The following MYEF2 variants were observed in gnomAD, a reference collection of about 807,000 sequenced individuals.
The protein encoded by MYEF2 is myelin gene expression factor 2.
A neutral mutation model predicts 75.2 loss-of-function variants in MYEF2; 37 were observed. The observed-to-expected ratio is 0.49, with a 90% CI of 0.38 to 0.65. The LOEUF is 0.65. MYEF2 is among the 30% of genes least tolerant of loss of function. The probability of loss-of-function intolerance (pLI) is 0.00; values close to 1 mark genes in which losing one functional copy is unlikely to be tolerated. For synonymous variants in MYEF2, 195 were observed against 241.6 expected, an observed-to-expected ratio of 0.81 and a Z score of 1.79; for missense variants, 634 against 771.4, an observed-to-expected ratio of 0.82 and a Z score of 2.11.
intron 1 of MYEF2, among the ~76,000 whole-genome samples, chr15:48,173,667 T>C (rs530100153): frequency 1.3e-5 from 2 of 151,830 alleles, no homozygotes; most frequent in Non-Finnish European, 2.9e-5. Context: ...GAATACAAAG[T>C]CAACATTCAA....
chr15:48,166,864 C>T (rs935272408), intron 3 of MYEF2, among the ~76,000 whole-genome samples: 28 of 152,016 alleles, frequency 1.8e-4, no homozygotes, highest in African/African-American at 6.8e-4. Context: ...ATTCCTTCTA[C>T]GTCAATATAA....
chr15:48,138,654 A>G lies in MYEF2; in HGVS notation c.*4254T>C. ...TCCCTTAAGCAAAAAGTTACTGAAG[A>G]CAATCCACAGGAGATGTCCAATTGA... On this transcript the variant is annotated 3_prime_UTR_variant, in exon 17 of 17. Coordinates refer to ENST00000324324, the MANE Select transcript of MYEF2 (RefSeq NM_016132.5). 1 of 217,248 alleles carries G rather than the reference A, an allele frequency of 4.6e-6. No individual in the cohort carries two copies. Among genetic ancestry groups the G allele is most frequent in the Non-Finnish European group, 9.3e-6 (1 of 107,900 alleles). 13.5% of individuals were successfully genotyped at this position (217,248 alleles called of 1,614,324 possible). A position where few individuals can be genotyped will look rare whatever the true frequency, so the allele number is the denominator to read the frequency against.
In MYEF2 at chr15:48,140,296, A is replaced by ACCAATT. The variant is rs1290473789; in HGVS notation, c.*2606_*2611dup. 6.6e-6 allele frequency: 1 copy of ACCAATT among 152,094 alleles called. No individual in the cohort carries two copies. Among genetic ancestry groups the ACCAATT allele is most frequent in the South Asian group, 2.1e-4 (1 of 4,826 alleles). The allele number at this position is 152,094 out of a possible 1,614,324, so 9.4% of individuals were successfully genotyped here. On this transcript the variant is annotated 3_prime_UTR_variant, in exon 17 of 17. Coordinates refer to ENST00000324324, the MANE Select transcript of MYEF2 (RefSeq NM_016132.5). ...GCAAAGCCAGTAACAGAAATTAACA[A>ACCAATT]CCAATTCCAATTCCAATATCAATGT...
Position 48,149,007 on chromosome 15 carries a change from T to C in MYEF2, c.1639+25A>G, listed in dbSNP as rs1294981822. 1.2e-6 allele frequency: 2 copies of C among 1,610,984 alleles called. No individual in the cohort carries two copies. Among genetic ancestry groups the C allele is most frequent in the Admixed American group, 1.7e-5 (1 of 59,946 alleles). On this transcript the variant is annotated intron_variant, in intron 16 of 16. Coordinates refer to ENST00000324324, the MANE Select transcript of MYEF2 (RefSeq NM_016132.5). The surrounding 1 kb of genome is among the most constrained non-coding windows in gnomAD (Gnocchi z 4.0). ...TTTTCCTCCATAATCAATATCAACA[T>C]ATCTGCAGTCATTTGCATACTTACC...
chr15:48,174,557 A>T (rs1387928448), intron 1 of MYEF2, among the ~76,000 whole-genome samples: 1 of 152,150 alleles, frequency 6.6e-6, no homozygotes, highest in East Asian at 1.9e-4. Context: ...TATATCCAAT[A>T]AGGGATTAAT....
chr15:48,149,355 G>A lies in MYEF2; in HGVS notation c.1395C>T (p.Ser465=), dbSNP rs201529546. The A allele has an allele frequency of 2.7e-5, 44 of 1,612,594 alleles. No individual in the cohort carries two copies. Among genetic ancestry groups the A allele is most frequent in the Non-Finnish European group, 3.6e-5 (43 of 1,179,072 alleles). Residue 465 remains serine (S), a synonymous_variant, in exon 15 of 17, where the codon AGC becomes AGT. Transcript: ENST00000324324. This position sits in a 1 kb window ranked among gnomAD's most constrained non-coding sequence, Gnocchi z 4.0. The part of the protein sequence containing the change: ...VGSGISGGMG[S]MNSVTGGMGM... Reference sequence around the variant, plus strand: ...CCATTCCTCCAGTCACACTGTTCATGCTACCCATTCCACCACCTGGATTTT... The same window carrying A: ...CCATTCCTCCAGTCACACTGTTCATACTACCCATTCCACCACCTGGATTTT...
At position 48,139,246 on chromosome 15, in the gene MYEF2, A is replaced by G; in HGVS notation, c.*3662T>C. 7.6e-7 allele frequency: 1 copy of G among 1,310,768 alleles called. No individual in the cohort carries two copies. The highest frequency in any genetic ancestry group is 1.3e-5 in the South Asian group (1 of 78,940). 81.2% of individuals were successfully genotyped at this position (1,310,768 alleles called of 1,614,324 possible). On this transcript the variant is annotated 3_prime_UTR_variant, in exon 17 of 17. Coordinates refer to ENST00000324324, the MANE Select transcript of MYEF2 (RefSeq NM_016132.5). ...AGAACAAATTGCATATGTTCACTCA[A>G]AGTAGTCTAGCTACACAGCAAATTT...
rs1290473789 is a variant in MYEF2, at chr15:48,140,296, ACCAATT to A, written c.*2606_*2611del. 6.6e-6 allele frequency: 1 copy of A among 152,212 alleles called. No individual in the cohort carries two copies. The highest frequency in any genetic ancestry group is 1.9e-4 in the East Asian group (1 of 5,188). 9.4% of individuals were successfully genotyped at this position (152,212 alleles called of 1,614,324 possible). A position where few individuals can be genotyped will look rare whatever the true frequency, so the allele number is the denominator to read the frequency against. ...GCAAAGCCAGTAACAGAAATTAACA[ACCAATT>A]CCAATTCCAATATCAATGTATAAGC... On this transcript the variant is annotated 3_prime_UTR_variant, in exon 17 of 17. Coordinates refer to ENST00000324324, the MANE Select transcript of MYEF2 (RefSeq NM_016132.5).
At chr15:48,153,556 A>G in intron 10 of MYEF2, 1 of 409,830 alleles carries the variant, frequency 2.4e-6, no homozygotes. Context: ...AAAATCCAAA[A>G]TGCTAAAAGG....
rs181148022 is a variant in MYEF2, at chr15:48,157,816, C to A, written c.985+177G>T. 9 of 1,336,256 alleles carry A rather than the reference C, an allele frequency of 6.7e-6. No individual in the cohort carries two copies. In the African/African-American group the frequency reaches 7.4e-5, roughly 11 times the overall value. 82.8% of individuals were successfully genotyped at this position (1,336,256 alleles called of 1,614,324 possible). A position where few individuals can be genotyped will look rare whatever the true frequency, so the allele number is the denominator to read the frequency against. On this transcript the variant is annotated intron_variant, in intron 9 of 16. Transcript: ENST00000324324. Reference sequence around the variant, plus strand: ...TACCAAAGAGAAAAAAAAAATGGCACGTAACACTTATCTTCTCAGTCTTCC... The same window carrying A: ...TACCAAAGAGAAAAAAAAAATGGCAAGTAACACTTATCTTCTCAGTCTTCC...
intron 5 of MYEF2, among the ~76,000 whole-genome samples, chr15:48,164,987 C>G (rs922515676): frequency 6.6e-6 from 1 of 152,092 alleles, no homozygotes; most frequent in African/African-American, 2.4e-5. Context: ...CCTACAATAG[C>G]TCCAAGGTAT....
At chr15:48,159,913 G>A in intron 5 of MYEF2, 109 bp from the exon 6 acceptor site, 1 of 1,162,856 alleles carries the variant, frequency 8.6e-7, no homozygotes, top group Non-Finnish European at 1.2e-6. Flanking sequence ...TCAAATTATT[G>A]ACCCTCTTGA....
intron 9 of MYEF2, chr15:48,157,630 C>A: frequency 2.2e-6 from 1 of 458,416 alleles, no homozygotes; most frequent in Non-Finnish European, 2.9e-6. Context: ...ATTTTTGTTC[C>A]CAACTATGTA....
At chr15:48,154,894 T>G (rs1045329671) in intron 9 of MYEF2, among the ~76,000 whole-genome samples, 1 of 152,060 alleles carries the variant, frequency 6.6e-6, no homozygotes, top group Non-Finnish European at 1.5e-5. Flanking sequence ...TGAGCAATGA[T>G]AGTATAATTC....
chr15:48,152,193 T>C, intron 11 of MYEF2, 41 bp downstream of exon 11: 1 of 1,515,832 alleles, frequency 6.6e-7, no homozygotes, highest in Non-Finnish European at 9.1e-7. Flanking sequence ...TTATTAAAAA[T>C]GGTGATGGGT....
In MYEF2 at chr15:48,152,146, A is replaced by C. The variant is rs577288350; in HGVS notation, c.1138+88T>G. 11 of 1,352,694 alleles carry C rather than the reference A, an allele frequency of 8.1e-6. No individual in the cohort carries two copies. The East Asian group carries it at 2.3e-4, about 28-fold the overall frequency. The allele number at this position is 1,352,694 out of a possible 1,614,324, so 83.8% of individuals were successfully genotyped here. On this transcript the variant is annotated intron_variant, in intron 11 of 16. Coordinates refer to ENST00000324324, the MANE Select transcript of MYEF2 (RefSeq NM_016132.5). Reference sequence around the variant, plus strand: ...GAACATGAGCCAACAATAAACCATGACTTTTTTTTCATGGAATTCTCAACA... The same window carrying C: ...GAACATGAGCCAACAATAAACCATGCCTTTTTTTTCATGGAATTCTCAACA...
At position 48,139,953 on chromosome 15, in the gene MYEF2, G is replaced by A. The variant is rs1462387353; in HGVS notation, c.*2955C>T. 2.0e-5 allele frequency: 3 copies of A among 152,012 alleles called. No homozygotes were observed. The highest frequency in any genetic ancestry group is 4.4e-5 in the Non-Finnish European group (3 of 67,968). The allele number at this position is 152,012 out of a possible 1,614,324, so 9.4% of individuals were successfully genotyped here. On this transcript the variant is annotated 3_prime_UTR_variant, in exon 17 of 17. Coordinates refer to ENST00000324324, the MANE Select transcript of MYEF2 (RefSeq NM_016132.5). ...TTGGCAAAGCTGAATAACTGCAACAGAAATCACACAGCCTGCAAAGCCTAA... is the reference window on the plus strand; with the variant it reads ...TTGGCAAAGCTGAATAACTGCAACAAAAATCACACAGCCTGCAAAGCCTAA...
Position 48,139,373 on chromosome 15 carries a change from A to G in MYEF2, c.*3535T>C. 2.2e-6 allele frequency: 1 copy of G among 454,730 alleles called. No homozygotes were observed. The highest frequency in any genetic ancestry group is 3.9e-6 in the Non-Finnish European group (1 of 254,652). 28.2% of individuals were successfully genotyped at this position (454,730 alleles called of 1,614,324 possible). ...GAGTTGCATATTATATATAAACTGT[A>G]TTTTCCACTGTTATTTAGCCTGGGG... On this transcript the variant is annotated 3_prime_UTR_variant, in exon 17 of 17. Coordinates refer to ENST00000324324, the MANE Select transcript of MYEF2 (RefSeq NM_016132.5).
rs762581220 is a variant in MYEF2 at position 48,149,147 on chromosome 15, A to G, written c.1587+16T>C. ...AAAAAAAGAATTTGAATTATCCTTA[A>G]TATTTATTTGCTTACATTTCTGACA... On this transcript the variant is annotated intron_variant, in intron 15 of 16. Transcript: ENST00000324324. This position sits in a 1 kb window ranked among gnomAD's most constrained non-coding sequence, Gnocchi z 4.0. 2 of 1,612,986 alleles carry G rather than the reference A, an allele frequency of 1.2e-6. No individual in the cohort carries two copies. Among genetic ancestry groups the G allele is most frequent in the Non-Finnish European group, 8.5e-7 (1 of 1,179,170 alleles).
Sources: gnomAD v4.1 joint callset for allele counts (sites outside exome capture counted in the v4.1 genomes callset) on GRCh38, gnomAD v4.1.1 for gene constraint, Gnocchi (gnomAD v3.1) non-coding constraint, MANE v1.5 for transcripts, NCBI Gene and HGNC (gene_info 2026-07-23, HGNC 2026-07-21) for gene names.